The following SMYD3 variants were observed in gnomAD, a reference collection of about 807,000 sequenced individuals.
SMYD3 encodes the protein histone-lysine N-methyltransferase SMYD3.
A neutral mutation model predicts 57.7 loss-of-function variants in SMYD3; 36 were observed. The observed-to-expected ratio is 0.62, with a 90% CI of 0.48 to 0.82. The LOEUF (loss-of-function observed/expected upper bound fraction) is 0.82, where lower values mean the gene tolerates loss of function less well. SMYD3 is among the 40% of genes least tolerant of loss of function. The pLI, the probability that SMYD3 is intolerant of heterozygous loss-of-function variation, is 0.00. For synonymous variants in SMYD3, 211 were observed against 195.0 expected (o/e 1.08, Z -0.68); for missense variants, 515 against 538.8 (o/e 0.96, Z 0.44).
At chr1:245,854,730 C>T (rs2051146982) in intron 10 of SMYD3, among the ~76,000 whole-genome samples, 1 of 152,020 alleles carries the variant, frequency 6.6e-6, no homozygotes, top group African/African-American at 2.4e-5. Flanking sequence ...TGAGTCTTTC[C>T]CCCAGCAAGA....
intron 1 of SMYD3, among the ~76,000 whole-genome samples, chr1:246,366,665 C>T (rs1044894018): frequency 2.0e-5 from 3 of 151,814 alleles, no homozygotes; most frequent in African/African-American, 7.3e-5. Context: ...CAAAATTGGC[C>T]AGGCACGGTA....
intron 7 of SMYD3, among the ~76,000 whole-genome samples, chr1:245,920,128 A>G (rs1313083928): frequency 6.6e-6 from 1 of 152,216 alleles, no homozygotes; most frequent in South Asian, 2.1e-4. Context: ...CCTGGCTAAC[A>G]CGGTGAAACC....
chr1:246,337,529 T>C (rs918558463), intron 2 of SMYD3, among the ~76,000 whole-genome samples: 2 of 152,222 alleles, frequency 1.3e-5, no homozygotes, highest in Non-Finnish European at 2.9e-5. Context: ...AACTTTGGCG[T>C]TAGTTTTCCT....
At chr1:245,815,592 C>T (rs2048760756) in intron 10 of SMYD3, among the ~76,000 whole-genome samples, 1 of 152,230 alleles carries the variant, frequency 6.6e-6, no homozygotes, top group African/African-American at 2.4e-5. Flanking sequence ...TCCCAGTTAT[C>T]AACATAGCCA....
chr1:246,180,759 C>CAA (rs61346746), intron 5 of SMYD3, among the ~76,000 whole-genome samples: 4 of 29,242 alleles, frequency 1.4e-4, no homozygotes, highest in Non-Finnish European at 1.7e-4. Context: ...GACTCTGTCT[C>CAA]AAAAAAAAAA....
chr1:246,478,129 A>G (rs2068051676), intron 1 of SMYD3, among the ~76,000 whole-genome samples: 1 of 152,234 alleles, frequency 6.6e-6, no homozygotes, highest in South Asian at 2.1e-4. Flanking sequence ...TTTACCTAAC[A>G]TTATGACACG....
intron 5 of SMYD3, among the ~76,000 whole-genome samples, chr1:246,021,619 T>C (rs1221983041): frequency 2.0e-5 from 3 of 152,042 alleles, no homozygotes; most frequent in African/African-American, 7.2e-5. Flanking sequence ...AGGCAGAACA[T>C]TTACTTATTC....
At chr1:246,322,568 T>A (rs1484163252) in intron 5 of SMYD3, 2 of 152,160 alleles carry the variant, frequency 1.3e-5, no homozygotes, top group Non-Finnish European at 2.9e-5. Flanking sequence ...AATAATCACA[T>A]CTCCTGTGTT....
chr1:246,164,454 T>C (rs1309545722), intron 5 of SMYD3, among the ~76,000 whole-genome samples: 1 of 152,058 alleles, frequency 6.6e-6, no homozygotes, highest in African/African-American at 2.4e-5. Context: ...AATAAATAAA[T>C]AAATAAGACT....
intron 1 of SMYD3, among the ~76,000 whole-genome samples, chr1:246,370,615 A>C (rs2066178910): frequency 6.6e-6 from 1 of 152,234 alleles, no homozygotes. Context: ...ACACAGCACC[A>C]AGCAAAGTAT....
chr1:246,019,855 T>G (rs2059440297), intron 5 of SMYD3, among the ~76,000 whole-genome samples: 1 of 152,194 alleles, frequency 6.6e-6, no homozygotes, highest in Non-Finnish European at 1.5e-5. Flanking sequence ...AATTGTTGCT[T>G]TCTTGGAACT....
intron 5 of SMYD3, among the ~76,000 whole-genome samples, chr1:245,932,908 G>A (rs2056806165): frequency 6.6e-6 from 1 of 152,176 alleles, no homozygotes; most frequent in African/African-American, 2.4e-5. Flanking sequence ...TTCTGGGCTA[G>A]TAAACAGAAG....
Position 245,901,649 on chromosome 1 carries a change from A to AT in SMYD3, c.813+13880_813+13881insA, listed in dbSNP as rs1162760140. ...GAGGCAGCTGGCACTCATCTCCTCC[A>AT]CCAAAAAGAAGGAAAACAGTCAGCA... is the stretch of plus-strand genomic sequence containing the variant. On this transcript the variant is annotated intron_variant, in intron 8 of 11. Transcript: ENST00000490107. 8.5e-4 allele frequency among the ~76,000 whole-genome samples: 7 copies of AT among 8,220 alleles called. No individual in the cohort carries two copies. In the Non-Finnish European group the frequency reaches 0.025, roughly 30 times the overall value. 5.4% of individuals were successfully genotyped at this position (8,220 alleles called of 152,430 possible).
Position 246,008,971 on chromosome 1 carries a change from G to A in SMYD3, c.532-79034C>T, listed in dbSNP as rs115356161. Reference sequence around the variant, plus strand: ...CTCAAGTTCAAGTGCCAGCCGTACCGCTTGCTAGCAGCGTGGCCTTGGGCA... The same window carrying A: ...CTCAAGTTCAAGTGCCAGCCGTACCACTTGCTAGCAGCGTGGCCTTGGGCA... On this transcript the variant is annotated intron_variant, in intron 5 of 11. Coordinates refer to ENST00000490107, the MANE Select transcript of SMYD3 (RefSeq NM_001167740.2). 2.3e-3 allele frequency among the ~76,000 whole-genome samples: 356 copies of A among 152,286 alleles called. 1 individual carries two copies. Among genetic ancestry groups the A allele is most frequent in the Non-Finnish European group, 4.3e-3 (290 of 68,030 alleles).
chr1:246,054,637 T>C (rs1321452161), intron 5 of SMYD3, among the ~76,000 whole-genome samples: 2 of 152,080 alleles, frequency 1.3e-5, no homozygotes, highest in East Asian at 1.9e-4. Flanking sequence ...TAAGGGTACA[T>C]ACTGATTTCA....
At chr1:246,102,342 C>G (rs1461227157) in intron 5 of SMYD3, among the ~76,000 whole-genome samples, 1 of 152,220 alleles carries the variant, frequency 6.6e-6, no homozygotes, top group African/African-American at 2.4e-5. Flanking sequence ...CACCGTCTCT[C>G]AGGTGTCTCC....
rs537229154 is a variant in SMYD3 at position 245,845,174 on chromosome 1, C to T, written c.1076+13322G>A. On this transcript the variant is annotated intron_variant, in intron 10 of 11. Coordinates refer to ENST00000490107, the MANE Select transcript of SMYD3 (RefSeq NM_001167740.2). ...TCATTAAGTCTTTGATTAATGAGAA[C>T]CATTAAGACCAAAAAAACACTGAGC... Among the ~76,000 whole-genome samples the T allele has an allele frequency of 2.0e-3, 297 of 152,268 alleles. 1 individual carries two copies. The highest frequency in any genetic ancestry group is 3.7e-3 in the Non-Finnish European group (249 of 68,014).
intron 5 of SMYD3, among the ~76,000 whole-genome samples, chr1:245,952,791 C>T (rs191876580): frequency 2.0e-5 from 3 of 152,282 alleles, no homozygotes; most frequent in Non-Finnish European, 2.9e-5. Context: ...GCTACGCACT[C>T]GAGCAGAACG....
chr1:245,839,890 G>A (rs1051477468), intron 10 of SMYD3, among the ~76,000 whole-genome samples: 1 of 152,012 alleles, frequency 6.6e-6, no homozygotes, highest in Non-Finnish European at 1.5e-5. Context: ...AGAAGATGCT[G>A]CATCCACAAA....
Sources: allele counts gnomAD v4.1 joint callset (sites outside exome capture counted in the v4.1 genomes callset), GRCh38; gene constraint gnomAD v4.1.1; transcripts MANE v1.5; gene names NCBI Gene and HGNC (gene_info 2026-07-23, HGNC 2026-07-21).